TRIP10: variants seen among roughly 807,000 people sequenced by gnomAD.
TRIP10 encodes the protein cdc42-interacting protein 4.
A neutral mutation model predicts 80.9 loss-of-function variants in TRIP10; 54 were observed. The observed-to-expected ratio is 0.67, with a 90% CI of 0.54 to 0.84. The LOEUF (loss-of-function observed/expected upper bound fraction) is 0.84, where lower values mean the gene tolerates loss of function less well. TRIP10 is among the 40% of genes least tolerant of loss of function. The probability of loss-of-function intolerance (pLI) is 0.00; values close to 1 mark genes in which losing one functional copy is unlikely to be tolerated. For missense variants in TRIP10, 773 were observed against 815.3 expected (o/e 0.95, Z 0.63); for synonymous variants, 321 against 307.2 (o/e 1.04, Z -0.47).
In TRIP10 at chr19:6,746,294, C is replaced by T. The variant is rs1030639790; in HGVS notation, c.1152+98C>T. 110 of 1,490,138 alleles carry T rather than the reference C, an allele frequency of 7.4e-5. No individual in the cohort carries two copies. The highest frequency in any genetic ancestry group is 3.9e-4 in the South Asian group (29 of 74,742). 92.3% of individuals were successfully genotyped at this position (1,490,138 alleles called of 1,614,324 possible). On this transcript the variant is annotated intron_variant, in intron 10 of 14. Coordinates refer to ENST00000313244, the MANE Select transcript of TRIP10 (RefSeq NM_001288962.2). This position sits in a 1 kb window ranked among gnomAD's most constrained non-coding sequence, Gnocchi z 6.2. ...TCGCTTCCTGCCGCTGGCTGGGCCC[C>T]TCTTCCCTGGTTGCCCAACCCAGAC...
At position 6,746,816 on chromosome 19, in the gene TRIP10, A is replaced by G. The variant is rs1183845173; in HGVS notation, c.1262+255A>G. ...CACAGGCATGCACCAGCTAATTTTT[A>G]TATTTTTAGTAGAGGCGGGGTTTCC... is the stretch of plus-strand genomic sequence containing the variant. On this transcript the variant is annotated intron_variant, in intron 11 of 14. Transcript: ENST00000313244. The surrounding 1 kb of genome is among the most constrained non-coding windows in gnomAD (Gnocchi z 6.2). 6.6e-6 allele frequency among the ~76,000 whole-genome samples: 1 copy of G among 151,922 alleles called. No individual in the cohort carries two copies. Among genetic ancestry groups the G allele is most frequent in the Non-Finnish European group, 1.5e-5 (1 of 67,994 alleles).
Position 6,746,218 on chromosome 19 carries a change from G to A in TRIP10, c.1152+22G>A. ...TGGGGTAAGTGAGGCCTCGGGGCAG[G>A]AGGAGGTGGTGGCCCTAGCCTGCCC... On this transcript the variant is annotated intron_variant, in intron 10 of 14. Transcript: ENST00000313244. This position sits in a 1 kb window ranked among gnomAD's most constrained non-coding sequence, Gnocchi z 6.2. 6.6e-7 allele frequency: 1 copy of A among 1,510,684 alleles called. No homozygotes were observed. Among genetic ancestry groups the A allele is most frequent in the East Asian group, 2.5e-5 (1 of 40,364 alleles). 93.6% of individuals were successfully genotyped at this position (1,510,684 alleles called of 1,614,324 possible). A position where few individuals can be genotyped will look rare whatever the true frequency, so the allele number is the denominator to read the frequency against.
At chr19:6,750,196 T>C (rs1969241656) in intron 12 of TRIP10, 96 bp from the exon 13 acceptor site, 1 of 1,579,736 alleles carries the variant, frequency 6.3e-7, no homozygotes, top group Non-Finnish European at 8.6e-7. Context: ...ATCACAGCCT[T>C]GGCTGTGCGT....
Position 6,746,101 on chromosome 19 carries a change from C to A in TRIP10, c.1057C>A (p.Arg353Ser), listed in dbSNP as rs778416697. Residue 353 changes from arginine to serine, a missense_variant, in exon 10 of 15, where the codon CGC (arginine) becomes AGC (serine). Coordinates refer to ENST00000313244, the MANE Select transcript of TRIP10 (RefSeq NM_001288962.2). The surrounding 1 kb of genome is among the most constrained non-coding windows in gnomAD (Gnocchi z 6.2). ...ATTGCCTAACGGACCCCCGTCCCCC[C>A]GCTCCGGCCGTGACCCCTTGGCCAT... ...SALPNGPPSP[R>S]SGRDPLAILS... The A allele has an allele frequency of 1.9e-6, 3 of 1,545,160 alleles. No individual in the cohort carries two copies. Among genetic ancestry groups the A allele is most frequent in the Non-Finnish European group, 2.6e-6 (3 of 1,144,812 alleles).
Position 6,750,429 on chromosome 19 carries a change from G to A in TRIP10, c.1533G>A (p.Glu511=), listed in dbSNP as rs148174421. Residue 511 remains glutamate (E), a splice_region_variant and synonymous_variant, in exon 13 of 15, where the codon GAG becomes GAA. Coordinates refer to ENST00000313244, the MANE Select transcript of TRIP10 (RefSeq NM_001288962.2). ...SSNSASQDTK[E]SSEEPPSEES... is the part of the protein sequence containing the mutation. The stretch of plus-strand genomic sequence containing the variant: ...ACAGCGCATCACAGGACACCAAGGA[G>A]AGGTGAGGGGTGACGTCAGAGTGGG... 24 of 1,614,134 alleles carry A rather than the reference G, an allele frequency of 1.5e-5. No individual in the cohort carries two copies. The highest frequency in any genetic ancestry group is 2.0e-5 in the Non-Finnish European group (24 of 1,179,996).
rs1787428144 is a variant in TRIP10, at chr19:6,745,776, A to G, written c.985-253A>G. 1.0e-6 allele frequency: 1 copy of G among 984,968 alleles called. No homozygotes were observed. The highest frequency in any genetic ancestry group is 1.2e-6 in the Non-Finnish European group (1 of 829,888). The allele number at this position is 984,968 out of a possible 1,614,324, so 61.0% of individuals were successfully genotyped here. ...GTTCTGGCTTTCGGGCTTACAGTTC[A>G]ACATCCTCCCCGCCACCTTCCAGAT... On this transcript the variant is annotated intron_variant, in intron 9 of 14. Transcript: ENST00000313244. The surrounding 1 kb of genome is among the most constrained non-coding windows in gnomAD (Gnocchi z 7.2).
rs990089465 is a variant in TRIP10 at position 6,745,487 on chromosome 19, C to T, written c.984+493C>T. The T allele has an allele frequency of 1.2e-6, 1 of 834,808 alleles. No homozygotes were observed. The highest frequency in any genetic ancestry group is 1.4e-6 in the Non-Finnish European group (1 of 692,768). 51.7% of individuals were successfully genotyped at this position (834,808 alleles called of 1,614,324 possible). A position where few individuals can be genotyped will look rare whatever the true frequency, so the allele number is the denominator to read the frequency against. On this transcript the variant is annotated intron_variant, in intron 9 of 14. Coordinates refer to ENST00000313244, the MANE Select transcript of TRIP10 (RefSeq NM_001288962.2). This position sits in a 1 kb window ranked among gnomAD's most constrained non-coding sequence, Gnocchi z 7.2. Reference sequence around the variant, plus strand: ...CTCCTTGACTTAACACCTGTGATCCCCGAGCTTAAACTTCTGATGCCCCTA... The same window carrying T: ...CTCCTTGACTTAACACCTGTGATCCTCGAGCTTAAACTTCTGATGCCCCTA...
intron 11 of TRIP10, among the ~76,000 whole-genome samples, chr19:6,749,549 AC>A (rs1325843504): frequency 2.6e-5 from 4 of 151,950 alleles, no homozygotes; most frequent in African/African-American, 9.7e-5. Context: ...TTGATGCAAA[AC>A]CCCTGTTTTT....
Position 6,741,000 on chromosome 19 carries a change from C to A in TRIP10, c.25-10C>A. 1 of 1,610,412 alleles carries A rather than the reference C, an allele frequency of 6.2e-7. No individual in the cohort carries two copies. Among genetic ancestry groups the A allele is most frequent in the Non-Finnish European group, 8.5e-7 (1 of 1,177,314 alleles). ...CCTCTCCCCTCCTCCCCCACCATGT[C>A]CCATGTCAGGATCAGTTCGAGGTGC... On this transcript the variant is annotated splice_polypyrimidine_tract_variant and intron_variant, in intron 1 of 14. Transcript: ENST00000313244.
At chr19:6,750,143 G>GGC in intron 12 of TRIP10, 77 bp downstream of exon 12, 25 of 842,202 alleles carry the variant, frequency 3.0e-5, no homozygotes, top group Non-Finnish European at 4.5e-5. Context: ...GGGGGTCGGG[G>GGC]ACAGGGGAGG....
rs753477177 is a variant in TRIP10 at position 6,746,090 on chromosome 19, C to G, written c.1046C>G (p.Pro349Arg). The G allele has an allele frequency of 1.3e-6, 2 of 1,540,510 alleles. No homozygotes were observed. The highest frequency in any genetic ancestry group is 1.8e-6 in the Non-Finnish European group (2 of 1,142,710). ...GPVPSALPNGPPSPRSGRDPL... is the reference protein window; with the variant it reads ...GPVPSALPNGRPSPRSGRDPL... ...GTACCCTCGGCATTGCCTAACGGAC[C>G]CCCGTCCCCCCGCTCCGGCCGTGAC... Residue 349 changes from proline (P) to arginine (R), a missense_variant, in exon 10 of 15, where the codon CCC (proline) becomes CGC (arginine). Transcript: ENST00000313244. This position sits in a 1 kb window ranked among gnomAD's most constrained non-coding sequence, Gnocchi z 6.2.
At chr19:6,750,809 A>C (rs1452586605) in intron 14 of TRIP10, among the ~76,000 whole-genome samples, 176 bp downstream of exon 14, 1 of 152,190 alleles carries the variant, frequency 6.6e-6, no homozygotes, top group Non-Finnish European at 1.5e-5. Context: ...CAGCCTGGCG[A>C]ACACGGTGAA....
Position 6,741,300 on chromosome 19 carries a change from T to G in TRIP10, c.197+19T>G. On this transcript the variant is annotated intron_variant, in intron 3 of 14. Coordinates refer to ENST00000313244, the MANE Select transcript of TRIP10 (RefSeq NM_001288962.2). ...AGTCCAAGTAAGGTTGGAGAGGGGC[T>G]GCAGGGCTAGATTTGTGGGGAAAGG... 1 of 1,599,660 alleles carries G rather than the reference T, an allele frequency of 6.3e-7. No homozygotes were observed. Among genetic ancestry groups the G allele is most frequent in the South Asian group, 1.1e-5 (1 of 89,258 alleles).
Position 6,746,053 on chromosome 19 carries a change from C to CT in TRIP10, c.1010dup (p.Val341ArgfsTer7). 6.9e-7 allele frequency: 1 copy of CT among 1,443,130 alleles called. No homozygotes were observed. Among genetic ancestry groups the CT allele is most frequent in the South Asian group, 1.4e-5 (1 of 70,258 alleles). The allele number at this position is 1,443,130 out of a possible 1,614,324, so 89.4% of individuals were successfully genotyped here. On this transcript the variant is annotated frameshift_variant, in exon 10 of 15. Coordinates refer to ENST00000313244, the MANE Select transcript of TRIP10 (RefSeq NM_001288962.2). LOFTEE classifies it high-confidence loss of function. This position sits in a 1 kb window ranked among gnomAD's most constrained non-coding sequence, Gnocchi z 6.2. The stretch of plus-strand genomic sequence containing the variant: ...GCCTCGCCCCCCACCCCTCTCCCCC[C>CT]TGGGGGGCCCCGTACCCTCGGCATT...
chr19:6,741,056 T>G lies in TRIP10; in HGVS notation c.71T>G (p.Leu24Arg), dbSNP rs1398600674. 8.7e-6 allele frequency: 14 copies of G among 1,613,994 alleles called. No homozygotes were observed. Among genetic ancestry groups the G allele is most frequent in the Non-Finnish European group, 1.2e-5 (14 of 1,179,886 alleles). The change falls in exon 2 of 15, where the codon CTG becomes CGG. Residue 24 changes from leucine (L) to arginine (R), a missense_variant. Transcript: ENST00000313244. ...CGCCACACGCAGTGGGGGCTGGACC[T>G]GTTGGACAGATATGTAAAGTTCGTG... is the stretch of plus-strand genomic sequence containing the variant. ...LERHTQWGLD[L>R]LDRYVKFVKE... is the part of the protein sequence containing the mutation.
intron 4 of TRIP10, 34 bp downstream of exon 4, chr19:6,743,148 G>A (rs1335656769): frequency 6.2e-7 from 1 of 1,614,090 alleles, no homozygotes; most frequent in Non-Finnish European, 8.5e-7. Flanking sequence ...TTTACAAAGG[G>A]CTTCTGCTGG....
rs141406814 is a variant in TRIP10 at position 6,747,031 on chromosome 19, A to G, written c.1262+470A>G. On this transcript the variant is annotated intron_variant, in intron 11 of 14. Coordinates refer to ENST00000313244, the MANE Select transcript of TRIP10 (RefSeq NM_001288962.2). ...TTTACAGGTGATTCCTACCACACTT[A>G]GTTACTTCTTGGCCAGGTGCAGTGG... 8.9e-3 allele frequency among the ~76,000 whole-genome samples: 1,358 copies of G among 152,272 alleles called. 17 individuals carry two copies. The highest frequency in any genetic ancestry group is 0.015 in the South Asian group (71 of 4,826).
At position 6,744,791 on chromosome 19, in the gene TRIP10, C is replaced by T. The variant is rs1312906386; in HGVS notation, c.790-9C>T. The T allele has an allele frequency of 1.2e-6, 2 of 1,609,670 alleles. No homozygotes were observed. Among genetic ancestry groups the T allele is most frequent in the East Asian group, 2.2e-5 (1 of 44,838 alleles). On this transcript the variant is annotated splice_polypyrimidine_tract_variant and intron_variant, in intron 8 of 14. Coordinates refer to ENST00000313244, the MANE Select transcript of TRIP10 (RefSeq NM_001288962.2). This position sits in a 1 kb window ranked among gnomAD's most constrained non-coding sequence, Gnocchi z 4.9. ...ACTCGACTGCTCATCCACTGTCCCC[C>T]TCCCCCAGGACTCCCACGTCCTTAT...
Position 6,746,370 on chromosome 19 carries a change from GGA to G in TRIP10, c.1153-80_1153-79del. The G allele has an allele frequency of 6.4e-7, 1 of 1,572,998 alleles. No individual in the cohort carries two copies. The highest frequency in any genetic ancestry group is 8.7e-7 in the Non-Finnish European group (1 of 1,152,514). ...CTGTCAAGAACCATGGCTGGGGAAG[GGA>G]GTGAAATATCTCAGACGGGTGCAGA... On this transcript the variant is annotated intron_variant, in intron 10 of 14. Coordinates refer to ENST00000313244, the MANE Select transcript of TRIP10 (RefSeq NM_001288962.2). This position sits in a 1 kb window ranked among gnomAD's most constrained non-coding sequence, Gnocchi z 6.2.
Sources: allele counts gnomAD v4.1 joint callset (sites outside exome capture counted in the v4.1 genomes callset), GRCh38; gene constraint gnomAD v4.1.1; non-coding constraint Gnocchi (gnomAD v3.1); transcripts MANE v1.5; gene names NCBI Gene and HGNC (gene_info 2026-07-23, HGNC 2026-07-21).